Variants in MAP2K5 observed in about 807,000 individuals in gnomAD.
MAP2K5 encodes the protein mitogen-activated protein kinase kinase 5.
In MAP2K5, 49 loss-of-function variants were observed where a neutral mutation model predicts 83.1. The observed-to-expected ratio is 0.59, with a 90% CI of 0.47 to 0.75. MAP2K5 has a LOEUF of 0.75. MAP2K5 is among the 30% of genes least tolerant of loss of function. MAP2K5 has a pLI of 0.00. For synonymous variants in MAP2K5, 202 were observed against 191.8 expected, an observed-to-expected ratio of 1.05 and a Z score of -0.44; for missense variants, 457 against 557.5, an observed-to-expected ratio of 0.82 and a Z score of 1.82.
intron 3 of MAP2K5, among the ~76,000 whole-genome samples, chr15:67,576,027 C>G (rs1425731985): frequency 6.9e-6 from 1 of 144,218 alleles, no homozygotes; most frequent in African/African-American, 2.5e-5. Flanking sequence ...TCAAGCAATT[C>G]TGTCTCAGCC....
At chr15:67,639,284 G>A (rs769968381) in intron 9 of MAP2K5, among the ~76,000 whole-genome samples, 2 of 152,100 alleles carry the variant, frequency 1.3e-5, no homozygotes, top group Non-Finnish European at 2.9e-5. Context: ...CAGATGCTTG[G>A]CTTCTTTCTT....
Position 67,758,838 on chromosome 15 carries a change from C to G in MAP2K5, c.1134+10237C>G, listed in dbSNP as rs73427958. 0.14 allele frequency among the ~76,000 whole-genome samples: 21,054 copies of G among 152,146 alleles called. 1,529 individuals are homozygous for G. Among genetic ancestry groups the G allele is most frequent in the East Asian group, 0.23 (1,180 of 5,168 alleles). Reference sequence around the variant, plus strand: ...GGTAAGGTTCCTTACATTATACTATCACTGATTTGAAGAAAGTACAAAGTG... The same window carrying G: ...GGTAAGGTTCCTTACATTATACTATGACTGATTTGAAGAAAGTACAAAGTG... On this transcript the variant is annotated intron_variant, in intron 19 of 21. Transcript: ENST00000178640. This position sits in a 1 kb window ranked among gnomAD's most constrained non-coding sequence, Gnocchi z 4.7.
At chr15:67,568,256 C>G (rs76272694) in intron 3 of MAP2K5, among the ~76,000 whole-genome samples, 2,589 of 152,190 alleles carry the variant, frequency 0.017, 81 homozygotes, top group African/African-American at 0.058. Flanking sequence ...TAAGTATTCC[C>G]TTTGGTGTAT....
At chr15:67,675,603 C>G (rs1370217915) in intron 13 of MAP2K5, among the ~76,000 whole-genome samples, 2 of 152,168 alleles carry the variant, frequency 1.3e-5, no homozygotes, top group African/African-American at 4.8e-5. Context: ...GGAGTGTACA[C>G]AGGATGTCTC....
rs1213475710 is a variant in MAP2K5 at position 67,562,055 on chromosome 15, A to G, written c.185-1228A>G. Among the ~76,000 whole-genome samples the G allele has an allele frequency of 5.9e-5, 9 of 152,354 alleles. No homozygotes were observed. The highest frequency in any genetic ancestry group is 2.2e-4 in the African/African-American group (9 of 41,574). ...TTTCTATATGATCAAATCAGCAATT[A>G]TATGCCCAAGAGTGAACAAAAATAA... On this transcript the variant is annotated intron_variant, in intron 2 of 21. Transcript: ENST00000178640. This position sits in a 1 kb window ranked among gnomAD's most constrained non-coding sequence, Gnocchi z 4.1.
intron 11 of MAP2K5, among the ~76,000 whole-genome samples, chr15:67,648,433 T>C (rs997650304): frequency 2.6e-5 from 4 of 152,356 alleles, no homozygotes; most frequent in Middle Eastern, 3.4e-3. Flanking sequence ...CTGAATAACA[T>C]TTCGTTGTAT....
intron 11 of MAP2K5, among the ~76,000 whole-genome samples, chr15:67,654,323 G>A (rs2087018986): frequency 6.6e-6 from 1 of 152,084 alleles, no homozygotes; most frequent in Non-Finnish European, 1.5e-5. Flanking sequence ...TTATCTAAAA[G>A]TCTATTTTTT....
In MAP2K5 at chr15:67,750,958, T is replaced by G. The variant is rs1192717017; in HGVS notation, c.1134+2357T>G. Among the ~76,000 whole-genome samples the G allele has an allele frequency of 6.6e-6, 1 of 152,276 alleles. No homozygotes were observed. Among genetic ancestry groups the G allele is most frequent in the African/African-American group, 2.4e-5 (1 of 41,556 alleles). On this transcript the variant is annotated intron_variant, in intron 19 of 21. Coordinates refer to ENST00000178640, the MANE Select transcript of MAP2K5 (RefSeq NM_145160.3). This position sits in a 1 kb window ranked among gnomAD's most constrained non-coding sequence, Gnocchi z 4.2. ...TCAGACAAGATGGGTATATTTGGCG[T>G]CACATACAAAATAGCTATCGCAAAG...
chr15:67,642,385 A>G (rs1360691207), intron 9 of MAP2K5: 1 of 1,578,702 alleles, frequency 6.3e-7, no homozygotes, highest in Non-Finnish European at 8.6e-7. Context: ...AGAGGCGCAT[A>G]GCCACTCTAA....
intron 8 of MAP2K5, among the ~76,000 whole-genome samples, chr15:67,602,583 C>T (rs2085684396): frequency 1.3e-5 from 2 of 152,156 alleles, no homozygotes; most frequent in African/African-American, 4.8e-5. Context: ...GAAACCCCAG[C>T]AGAATTTTTA....
rs1208855981 is a variant in MAP2K5 at position 67,770,223 on chromosome 15, G to T, written c.1196+560G>T. Among the ~76,000 whole-genome samples, 1 of 152,192 alleles carries T rather than the reference G, an allele frequency of 6.6e-6. No individual in the cohort carries two copies. The highest frequency in any genetic ancestry group is 1.5e-5 in the Non-Finnish European group (1 of 68,024). ...TAAAGAACTGAGAGGAGCCACAGGGGCCCTCAGAGCCTCTAGGCAATTCCT... is the reference window on the plus strand; with the variant it reads ...TAAAGAACTGAGAGGAGCCACAGGGTCCCTCAGAGCCTCTAGGCAATTCCT... On this transcript the variant is annotated intron_variant, in intron 20 of 21. Coordinates refer to ENST00000178640, the MANE Select transcript of MAP2K5 (RefSeq NM_145160.3). This position sits in a 1 kb window ranked among gnomAD's most constrained non-coding sequence, Gnocchi z 5.0.
At chr15:67,806,477 C>T (rs557127766) in intron 21 of MAP2K5, among the ~76,000 whole-genome samples, 169 bp from the exon 22 acceptor site, 1 of 152,338 alleles carries the variant, frequency 6.6e-6, no homozygotes, top group Non-Finnish European at 1.5e-5. Flanking sequence ...ACTGCTCGTC[C>T]CTGGGCCTCA....
At chr15:67,762,836 G>C (rs867591034) in intron 19 of MAP2K5, among the ~76,000 whole-genome samples, 1 of 152,132 alleles carries the variant, frequency 6.6e-6, no homozygotes, top group African/African-American at 2.4e-5. Flanking sequence ...TGATTAAAGG[G>C]TTTATGGGTA....
intron 12 of MAP2K5, among the ~76,000 whole-genome samples, chr15:67,660,042 T>G (rs1468832646): frequency 2.0e-5 from 3 of 152,166 alleles, no homozygotes; most frequent in African/African-American, 7.2e-5. Flanking sequence ...AAGTAAGAGC[T>G]ACTCTGAAGG....
At chr15:67,616,575 T>C (rs2086061012) in intron 8 of MAP2K5, among the ~76,000 whole-genome samples, 1 of 152,206 alleles carries the variant, frequency 6.6e-6, no homozygotes, top group South Asian at 2.1e-4. Context: ...AACAAAGAAC[T>C]GATGTTATTA....
intron 9 of MAP2K5, among the ~76,000 whole-genome samples, chr15:67,633,792 C>T (rs1171624534): frequency 6.6e-6 from 1 of 152,154 alleles, no homozygotes; most frequent in Non-Finnish European, 1.5e-5. Context: ...TAGCCCTGAG[C>T]TTGTTGGTAG....
rs529885196 is a variant in MAP2K5, at chr15:67,796,971, A to G, written c.1243-9675A>G. On this transcript the variant is annotated intron_variant, in intron 21 of 21. Transcript: ENST00000178640. Reference sequence around the variant, plus strand: ...ACCGGCACACATTGTGTCTGTTCACATGGCGCTGGCCAAAACTGACCCCCA... The same window carrying G: ...ACCGGCACACATTGTGTCTGTTCACGTGGCGCTGGCCAAAACTGACCCCCA... Among the ~76,000 whole-genome samples, 13 of 152,310 alleles carry G rather than the reference A, an allele frequency of 8.5e-5. No individual in the cohort carries two copies. In the East Asian group the frequency reaches 2.5e-3, roughly 29 times the overall value.
chr15:67,728,093 ATC>A (rs2089140433), intron 17 of MAP2K5, 148 bp downstream of exon 17: 1 of 731,304 alleles, frequency 1.4e-6, no homozygotes, highest in Non-Finnish European at 2.4e-6. Flanking sequence ...TCATTTAGAA[ATC>A]TCTATTGATT....
At position 67,775,809 on chromosome 15, in the gene MAP2K5, G is replaced by A. The variant is rs187741731; in HGVS notation, c.1242+3057G>A. Reference sequence around the variant, plus strand: ...AAAGGAAACAGGATGGGCAAAGCATGAGTGTATCTCGGTTTCAGACATTTT... The same window carrying A: ...AAAGGAAACAGGATGGGCAAAGCATAAGTGTATCTCGGTTTCAGACATTTT... On this transcript the variant is annotated intron_variant, in intron 21 of 21. Coordinates refer to ENST00000178640, the MANE Select transcript of MAP2K5 (RefSeq NM_145160.3). This position sits in a 1 kb window ranked among gnomAD's most constrained non-coding sequence, Gnocchi z 5.3. Among the ~76,000 whole-genome samples, 1 of 152,338 alleles carries A rather than the reference G, an allele frequency of 6.6e-6. No individual in the cohort carries two copies. The highest frequency in any genetic ancestry group is 1.5e-5 in the Non-Finnish European group (1 of 68,024).
Sources: allele counts gnomAD v4.1 joint callset (sites outside exome capture counted in the v4.1 genomes callset), GRCh38; gene constraint gnomAD v4.1.1; non-coding constraint Gnocchi (gnomAD v3.1); transcripts MANE v1.5; gene names NCBI Gene and HGNC (gene_info 2026-07-23, HGNC 2026-07-21).